Variants in RXRG observed in about 807,000 individuals in gnomAD.
The protein encoded by RXRG is retinoid X receptor gamma.
Under a neutral mutation model 49.2 loss-of-function variants are expected in RXRG, and 19 were observed. The observed-to-expected ratio is 0.39, with a 90% CI of 0.27 to 0.57. The LOEUF (loss-of-function observed/expected upper bound fraction) is 0.57, where lower values mean the gene tolerates loss of function less well. Among genes scored for constraint, RXRG ranks in the 20% least tolerant of loss-of-function variants. RXRG has a pLI of 0.64. For synonymous variants in RXRG, 224 were observed against 216.6 expected (o/e 1.03, Z -0.30); for missense variants, 452 against 592.5 (o/e 0.76, Z 2.46).
chr1:165,427,903 G>A (rs983794362), intron 2 of RXRG, among the ~76,000 whole-genome samples: 2 of 152,176 alleles, frequency 1.3e-5, no homozygotes, highest in Admixed American at 6.5e-5. Flanking sequence ...TGAAACATGA[G>A]GAGCCTGCAG....
At position 165,401,783 on chromosome 1, in the gene RXRG, C is replaced by T. The variant is rs1657575676; in HGVS notation, c.1245-373G>A. ...GTGTCCCTCGGGTACCCGCACAGAT[C>T]TGCTGAGGCACTTAGAGCCAAGCGT... On this transcript the variant is annotated intron_variant, in intron 9 of 9. Transcript: ENST00000359842. Among the ~76,000 whole-genome samples, 3 of 152,368 alleles carry T rather than the reference C, an allele frequency of 2.0e-5. No individual in the cohort carries two copies. In the South Asian group the frequency reaches 6.2e-4, roughly 32 times the overall value.
chr1:165,416,896 C>T (rs1571273269), intron 4 of RXRG, 145 bp downstream of exon 4: 4 of 745,310 alleles, frequency 5.4e-6, no homozygotes, highest in Non-Finnish European at 8.6e-6. Flanking sequence ...TCAGACTTCT[C>T]TTTAGAGCCC....
chr1:165,401,722 T>G (rs1178256836), intron 9 of RXRG, among the ~76,000 whole-genome samples: 2 of 152,208 alleles, frequency 1.3e-5, no homozygotes, highest in Admixed American at 1.3e-4. Flanking sequence ...CTGTGTCCAC[T>G]CACTTTGCCA....
At chr1:165,414,858 A>T (rs965187773) in intron 4 of RXRG, among the ~76,000 whole-genome samples, 1 of 152,240 alleles carries the variant, frequency 6.6e-6, no homozygotes, top group Non-Finnish European at 1.5e-5. Context: ...CTCAATGAAT[A>T]AATGAATGAG....
chr1:165,421,781 C>G (rs1557918422), intron 2 of RXRG, among the ~76,000 whole-genome samples: 1 of 152,110 alleles, frequency 6.6e-6, no homozygotes. Flanking sequence ...ATCTGCCCGT[C>G]TTGGCCTCCC....
chr1:165,401,727 T>C (rs1478403114), intron 9 of RXRG, among the ~76,000 whole-genome samples: 3 of 152,242 alleles, frequency 2.0e-5, no homozygotes, highest in Admixed American at 6.5e-5. Flanking sequence ...TCCACTCACT[T>C]TGCCAGCCAT....
At chr1:165,427,643 T>A (rs1571281995) in intron 2 of RXRG, among the ~76,000 whole-genome samples, 1 of 152,120 alleles carries the variant, frequency 6.6e-6, no homozygotes, top group Non-Finnish European at 1.5e-5. Flanking sequence ...GGGGTTTCAC[T>A]GTATTAGCCA....
At chr1:165,412,697 G>T (rs1195218016) in intron 4 of RXRG, among the ~76,000 whole-genome samples, 1 of 152,070 alleles carries the variant, frequency 6.6e-6, no homozygotes, top group Non-Finnish European at 1.5e-5. Context: ...TCTTGCCTTT[G>T]GTGTCTTTTT....
intron 2 of RXRG, chr1:165,424,889 C>T (rs1158660867): frequency 2.0e-6 from 2 of 985,380 alleles, no homozygotes; most frequent in Non-Finnish European, 2.4e-6. Context: ...ACACCAAGGC[C>T]TTTTTTCCAG....
At chr1:165,430,083 G>A (rs958398517) in intron 1 of RXRG, among the ~76,000 whole-genome samples, 49 of 152,168 alleles carry the variant, frequency 3.2e-4, no homozygotes, top group African/African-American at 1.1e-3. Flanking sequence ...GTAGCTGCAC[G>A]CAGCACATCC....
At chr1:165,414,339 C>G (rs1314585238) in intron 4 of RXRG, among the ~76,000 whole-genome samples, 1 of 152,214 alleles carries the variant, frequency 6.6e-6, no homozygotes, top group African/African-American at 2.4e-5. Flanking sequence ...GTGTCTCTTA[C>G]AGTTCACATG....
At chr1:165,437,503 T>C (rs1557927069) in intron 1 of RXRG, among the ~76,000 whole-genome samples, 1 of 152,210 alleles carries the variant, frequency 6.6e-6, no homozygotes. Context: ...TAGTTCGCTG[T>C]ATTTTAAGAG....
intron 6 of RXRG, among the ~76,000 whole-genome samples, chr1:165,410,247 A>G (rs1337715471): frequency 6.6e-6 from 1 of 152,178 alleles, no homozygotes; most frequent in Non-Finnish European, 1.5e-5. Context: ...GAGATATGGC[A>G]TATGTCAACG....
intron 4 of RXRG, among the ~76,000 whole-genome samples, chr1:165,416,400 A>T (rs1281432770): frequency 1.1e-4 from 16 of 152,100 alleles, no homozygotes; most frequent in Admixed American, 9.8e-4. Context: ...CCACACTATA[A>T]ATTAAAAGAT....
chr1:165,411,147 C>T (rs764300855), intron 4 of RXRG, 38 bp from the exon 5 acceptor site: 27 of 1,597,214 alleles, frequency 1.7e-5, no homozygotes, highest in Non-Finnish European at 2.0e-5. Flanking sequence ...TACCATAATG[C>T]CCAGGACAAC....
At chr1:165,409,828 A>G in intron 6 of RXRG, 138 bp from the exon 7 acceptor site, 1 of 790,544 alleles carries the variant, frequency 1.3e-6, no homozygotes, top group Non-Finnish European at 1.7e-6. Context: ...TTAGTTCAAG[A>G]TGACACAGTT....
chr1:165,428,994 G>A (rs370210993), intron 1 of RXRG, 28 bp from the exon 2 acceptor site: 1 of 1,600,286 alleles, frequency 6.2e-7, no homozygotes, highest in East Asian at 2.2e-5. Flanking sequence ...TAGATGGTGG[G>A]AGGTTGGGGA....
chr1:165,418,631 C>T (rs1658212864), intron 3 of RXRG, among the ~76,000 whole-genome samples: 2 of 152,136 alleles, frequency 1.3e-5, no homozygotes, highest in African/African-American at 4.8e-5. Context: ...GAACTCACAG[C>T]AATGATAAAT....
chr1:165,422,458 G>A (rs979847316), intron 2 of RXRG, among the ~76,000 whole-genome samples: 1 of 151,946 alleles, frequency 6.6e-6, no homozygotes, highest in Non-Finnish European at 1.5e-5. Context: ...TTGAGATCAG[G>A]GAAGGCTTCA....
Sources: allele counts gnomAD v4.1 joint callset (sites outside exome capture counted in the v4.1 genomes callset), GRCh38; gene constraint gnomAD v4.1.1; transcripts MANE v1.5; gene names NCBI Gene and HGNC (gene_info 2026-07-23, HGNC 2026-07-21).